The following KCNQ5 variants were observed in gnomAD, a reference collection of about 807,000 sequenced individuals.
The protein encoded by KCNQ5 is potassium voltage-gated channel subfamily Q member 5, also known as potassium voltage-gated channel subfamily KQT member 5.
A neutral mutation model predicts 98.2 loss-of-function variants in KCNQ5; 30 were observed. The ratio of observed to expected loss-of-function variants is 0.31; its 90% CI spans 0.23 to 0.41. The LOEUF is 0.41. Among genes scored for constraint, KCNQ5 ranks in the 10% least tolerant of loss-of-function variants. The probability of loss-of-function intolerance (pLI) is 1.00; values close to 1 mark genes in which losing one functional copy is unlikely to be tolerated. For synonymous variants in KCNQ5, 458 were observed against 449.4 expected, an observed-to-expected ratio of 1.02 and a Z score of -0.24; for missense variants, 835 against 1,182.5, an observed-to-expected ratio of 0.71 and a Z score of 4.31.
intron 1 of KCNQ5, among the ~76,000 whole-genome samples, chr6:72,929,106 A>G (rs2150226868): frequency 6.6e-6 from 1 of 152,288 alleles, no homozygotes; most frequent in Admixed American, 6.5e-5. Flanking sequence ...GACCCATAAC[A>G]GAGGTTCCTC....
At chr6:72,857,533 T>C (rs6926875) in intron 1 of KCNQ5, among the ~76,000 whole-genome samples, 2,819 of 152,300 alleles carry the variant, frequency 0.019, 86 homozygotes, top group African/African-American at 0.064. Context: ...GCCTTTTCAA[T>C]TGCCTCAGTA....
intron 1 of KCNQ5, among the ~76,000 whole-genome samples, chr6:72,833,526 T>C (rs1371652707): frequency 6.6e-6 from 1 of 152,116 alleles, no homozygotes; most frequent in Non-Finnish European, 1.5e-5. Context: ...ACCTGAAAAA[T>C]GTAGCATTTT....
rs1765836827 is a variant in KCNQ5 at position 73,197,610 on chromosome 6, CACACACACACACACACACACACACACACA to C, written c.*2197_*2225del. On this transcript the variant is annotated 3_prime_UTR_variant, in exon 14 of 14. Coordinates refer to ENST00000370398, the MANE Select transcript of KCNQ5 (RefSeq NM_019842.4). Reference sequence around the variant, plus strand: ...ACACACACACACACACACACACACACACACACACACACACACACACACACACACACACCCCTCCACTGACCTAAAGCCAG... The same window carrying C: ...ACACACACACACACACACACACACACCACCCCTCCACTGACCTAAAGCCAG... The C allele has an allele frequency of 4.0e-5, 6 of 150,386 alleles. No homozygotes were observed. Among genetic ancestry groups the C allele is most frequent in the Non-Finnish European group, 8.9e-5 (6 of 67,470 alleles). The allele number at this position is 150,386 out of a possible 1,614,324, so 9.3% of individuals were successfully genotyped here. A position where few individuals can be genotyped will look rare whatever the true frequency, so the allele number is the denominator to read the frequency against.
At chr6:73,116,827 C>T (rs1359351929) in intron 7 of KCNQ5, among the ~76,000 whole-genome samples, 1 of 152,170 alleles carries the variant, frequency 6.6e-6, no homozygotes, top group Non-Finnish European at 1.5e-5. Flanking sequence ...AGGACTTTCA[C>T]ATTTTAAACT....
chr6:72,642,334 C>T (rs1054901152), intron 1 of KCNQ5, among the ~76,000 whole-genome samples: 1 of 151,782 alleles, frequency 6.6e-6, no homozygotes, highest in Admixed American at 6.6e-5. Context: ...TATTTATCAA[C>T]TTTTATTTTA....
chr6:73,174,426 C>T (rs6907229), intron 11 of KCNQ5, among the ~76,000 whole-genome samples: 72,428 of 152,090 alleles, frequency 0.48, 21,326 homozygotes, highest in African/African-American at 0.82. Context: ...ATCGATTGTG[C>T]CTTGCTCTTA....
chr6:72,745,925 A>G lies in KCNQ5; in HGVS notation c.398+123338A>G, dbSNP rs566622085. Among the ~76,000 whole-genome samples, 7 of 152,136 alleles carry G rather than the reference A, an allele frequency of 4.6e-5. 1 individual carries two copies. The South Asian group carries it at 1.0e-3, about 23-fold the overall frequency. ...CTCCGGTCTCTGCCTCTGTCATCACATGGCTTTTTGCCCTCTGTCTCCCCT... is the reference window on the plus strand; with the variant it reads ...CTCCGGTCTCTGCCTCTGTCATCACGTGGCTTTTTGCCCTCTGTCTCCCCT... On this transcript the variant is annotated intron_variant, in intron 1 of 13. Coordinates refer to ENST00000370398, the MANE Select transcript of KCNQ5 (RefSeq NM_019842.4).
intron 11 of KCNQ5, among the ~76,000 whole-genome samples, chr6:73,170,935 A>T (rs1314901670): frequency 6.6e-6 from 1 of 151,194 alleles, no homozygotes; most frequent in Non-Finnish European, 1.5e-5. Flanking sequence ...TTCTGCCTCC[A>T]AAAAATAAAA....
intron 1 of KCNQ5, among the ~76,000 whole-genome samples, chr6:72,933,890 G>T (rs1391698374): frequency 6.6e-6 from 1 of 152,046 alleles, no homozygotes; most frequent in Non-Finnish European, 1.5e-5. Context: ...TGATCTCATA[G>T]AATTTTTTTC....
chr6:72,831,434 C>T (rs899191777), intron 1 of KCNQ5, among the ~76,000 whole-genome samples: 3 of 151,944 alleles, frequency 2.0e-5, no homozygotes, highest in Non-Finnish European at 4.4e-5. Flanking sequence ...TTCTGGGGAG[C>T]TGGATGAAGC....
intron 1 of KCNQ5, among the ~76,000 whole-genome samples, chr6:72,885,926 T>C (rs1778827037): frequency 3.3e-5 from 5 of 152,184 alleles, no homozygotes; most frequent in Admixed American, 3.3e-4. Context: ...AGGAAAAACA[T>C]CTCCTAGCTC....
intron 1 of KCNQ5, among the ~76,000 whole-genome samples, chr6:72,709,314 G>T (rs992385598): frequency 2.0e-5 from 3 of 152,038 alleles, no homozygotes; most frequent in Non-Finnish European, 4.4e-5. Flanking sequence ...AAATAATTTG[G>T]TCTTGGAATC....
chr6:72,675,274 G>C (rs188688546), intron 1 of KCNQ5, among the ~76,000 whole-genome samples: 1 of 152,250 alleles, frequency 6.6e-6, no homozygotes, highest in East Asian at 1.9e-4. Flanking sequence ...GAACATATTT[G>C]TTATCAAGTT....
intron 1 of KCNQ5, among the ~76,000 whole-genome samples, chr6:72,996,620 T>C (rs1032471503): frequency 6.6e-6 from 1 of 152,212 alleles, no homozygotes; most frequent in Non-Finnish European, 1.5e-5. Flanking sequence ...TGCATATACT[T>C]GAGACAGTCT....
intron 1 of KCNQ5, among the ~76,000 whole-genome samples, chr6:72,806,459 A>G (rs1341873211): frequency 1.3e-5 from 2 of 152,156 alleles, no homozygotes; most frequent in Non-Finnish European, 2.9e-5. Flanking sequence ...TCTAGAAGAC[A>G]TATTTCTTCA....
chr6:72,688,093 T>G (rs1328421070), intron 1 of KCNQ5, among the ~76,000 whole-genome samples: 5 of 152,166 alleles, frequency 3.3e-5, no homozygotes, highest in Non-Finnish European at 5.9e-5. Flanking sequence ...TGCCTCGGCC[T>G]CCCAATACTG....
chr6:72,887,756 A>G (rs1257923749), intron 1 of KCNQ5, among the ~76,000 whole-genome samples: 3 of 152,160 alleles, frequency 2.0e-5, no homozygotes, highest in Admixed American at 1.3e-4. Context: ...CACTAAAATT[A>G]TAGAGTCCAA....
At chr6:72,689,783 GT>G (rs5877332) in intron 1 of KCNQ5, among the ~76,000 whole-genome samples, 56,133 of 141,922 alleles carry the variant, frequency 0.4, 11,600 homozygotes, top group African/African-American at 0.54. Context: ...GAAAACAAGC[GT>G]TTTTTTTTTT....
At chr6:72,856,898 C>T (rs1374838615) in intron 1 of KCNQ5, among the ~76,000 whole-genome samples, 1 of 152,198 alleles carries the variant, frequency 6.6e-6, no homozygotes, top group Non-Finnish European at 1.5e-5. Flanking sequence ...GCCCCTCCCC[C>T]GTGGGGCTGG....
Sources: allele counts gnomAD v4.1 joint callset (sites outside exome capture counted in the v4.1 genomes callset), GRCh38; gene constraint gnomAD v4.1.1; transcripts MANE v1.5; gene names NCBI Gene and HGNC (gene_info 2026-07-23, HGNC 2026-07-21).